FHIT: variants seen among roughly 807,000 people sequenced by gnomAD.
The protein encoded by FHIT is fragile histidine triad diadenosine triphosphatase, also known as bis(5'-adenosyl)-triphosphatase.
A neutral mutation model predicts 17.9 loss-of-function variants in FHIT; 19 were observed. The ratio of observed to expected loss-of-function variants is 1.06; its 90% CI spans 0.74 to 1.56. The LOEUF (loss-of-function observed/expected upper bound fraction) is 1.56. FHIT is among the 40% of genes most tolerant of loss of function. The pLI, the probability that FHIT is intolerant of heterozygous loss-of-function variation, is 0.00. For synonymous variants in FHIT, 81 were observed against 69.7 expected, an observed-to-expected ratio of 1.16 and a Z score of -0.81; for missense variants, 248 against 189.2, an observed-to-expected ratio of 1.31 and a Z score of -1.82.
At chr3:61,147,135 A>G (rs1006371328) in intron 2 of FHIT, among the ~76,000 whole-genome samples, 8 of 152,034 alleles carry the variant, frequency 5.3e-5, no homozygotes, top group Non-Finnish European at 1.2e-4. Flanking sequence ...CAGTGCAGAA[A>G]TGAGTATTGT....
At chr3:59,773,650 T>TCTTCCTGCA (rs150049575) in intron 8 of FHIT, among the ~76,000 whole-genome samples, 4,266 of 152,216 alleles carry the variant, frequency 0.028, 220 homozygotes, top group East Asian at 0.25. Flanking sequence ...TCCTGTGCCA[T>TCTTCCTGCA]CTTCCTGCAC....
chr3:60,313,289 GA>G (rs1709027637), intron 5 of FHIT, among the ~76,000 whole-genome samples: 1 of 152,192 alleles, frequency 6.6e-6, no homozygotes. Context: ...ATCACAAGAG[GA>G]AACTAATATG....
intron 5 of FHIT, among the ~76,000 whole-genome samples, chr3:60,357,508 G>T (rs1699724231): frequency 6.6e-6 from 1 of 152,052 alleles, no homozygotes; most frequent in Non-Finnish European, 1.5e-5. Context: ...GCCTCCCAAA[G>T]TGCTGGAATT....
At chr3:61,128,771 G>T (rs374676979) in intron 2 of FHIT, among the ~76,000 whole-genome samples, 61 of 151,612 alleles carry the variant, frequency 4.0e-4, no homozygotes, top group African/African-American at 1.5e-3. Flanking sequence ...AAAAAACAAG[G>T]TTGTTTTTTT....
At chr3:59,913,641 T>C (rs1014561304) in intron 8 of FHIT, among the ~76,000 whole-genome samples, 8 of 152,126 alleles carry the variant, frequency 5.3e-5, no homozygotes, top group African/African-American at 1.9e-4. Flanking sequence ...ACAATAATAA[T>C]TGTATTATAT....
chr3:61,162,053 C>T (rs532302486), intron 2 of FHIT, among the ~76,000 whole-genome samples: 3 of 152,168 alleles, frequency 2.0e-5, no homozygotes, highest in Non-Finnish European at 4.4e-5. Context: ...TACCTGTCAA[C>T]GCTGGTTTAA....
intron 4 of FHIT, among the ~76,000 whole-genome samples, chr3:60,651,017 T>C (rs1371544243): frequency 6.6e-6 from 1 of 152,170 alleles, no homozygotes; most frequent in African/African-American, 2.4e-5. Context: ...TTACCTAAAT[T>C]ATACCTAAGC....
At chr3:60,557,049 T>C (rs1401148305) in intron 4 of FHIT, among the ~76,000 whole-genome samples, 1 of 152,228 alleles carries the variant, frequency 6.6e-6, no homozygotes, top group Non-Finnish European at 1.5e-5. Flanking sequence ...TTGTTAACCA[T>C]ACTAATAAGA....
intron 8 of FHIT, among the ~76,000 whole-genome samples, chr3:59,845,461 G>A (rs1290618061): frequency 6.6e-6 from 1 of 151,946 alleles, no homozygotes; most frequent in East Asian, 1.9e-4. Context: ...CATATGTTTG[G>A]ATATGTTGTG....
intron 5 of FHIT, among the ~76,000 whole-genome samples, chr3:60,481,605 C>G (rs560124173): frequency 9.1e-4 from 139 of 152,232 alleles, no homozygotes; most frequent in African/African-American, 3.3e-3. Context: ...AAATAAAATC[C>G]TTTCCAGACA....
At chr3:61,181,647 G>C (rs761269582) in intron 2 of FHIT, among the ~76,000 whole-genome samples, 2 of 152,008 alleles carry the variant, frequency 1.3e-5, no homozygotes, top group Non-Finnish European at 2.9e-5. Flanking sequence ...CAGACCCAAA[G>C]ACCAAAAAAA....
At chr3:59,968,027 C>A (rs1251149107) in intron 7 of FHIT, among the ~76,000 whole-genome samples, 1 of 152,054 alleles carries the variant, frequency 6.6e-6, no homozygotes, top group Non-Finnish European at 1.5e-5. Context: ...AGGGCTCAAG[C>A]AAGAGTAATA....
At chr3:61,114,713 A>AT (rs931656974) in intron 2 of FHIT, among the ~76,000 whole-genome samples, 4 of 151,632 alleles carry the variant, frequency 2.6e-5, no homozygotes, top group Non-Finnish European at 4.4e-5. Context: ...TAGTGAGTGA[A>AT]TTTTTTTTTA....
chr3:60,882,398 T>C (rs1023491224), intron 3 of FHIT, among the ~76,000 whole-genome samples: 41 of 151,896 alleles, frequency 2.7e-4, no homozygotes, highest in Non-Finnish European at 2.7e-4. Flanking sequence ...ATTACCCTGA[T>C]ACCAAGCCAG....
rs572866673 is a variant in FHIT, at chr3:61,121,755, T to A, written c.-164+78862A>T. Among the ~76,000 whole-genome samples, 42 of 152,240 alleles carry A rather than the reference T, an allele frequency of 2.8e-4. 2 individuals are homozygous for A. The highest frequency in any genetic ancestry group is 1.0e-3 in the African/African-American group (42 of 41,530). ...CACACACAACAATATTAAACTTAACTGTAAACAGGCTAAATGCCACAATTA... is the reference window on the plus strand; with the variant it reads ...CACACACAACAATATTAAACTTAACAGTAAACAGGCTAAATGCCACAATTA... On this transcript the variant is annotated intron_variant, in intron 2 of 9. Coordinates refer to ENST00000492590, the MANE Select transcript of FHIT (RefSeq NM_002012.4).
intron 5 of FHIT, among the ~76,000 whole-genome samples, chr3:60,186,574 G>A (rs1227118445): frequency 6.6e-6 from 1 of 152,134 alleles, no homozygotes; most frequent in African/African-American, 2.4e-5. Context: ...AACCAAGAAT[G>A]TTACACAGTC....
intron 4 of FHIT, among the ~76,000 whole-genome samples, chr3:60,786,123 G>A (rs914332732): frequency 1.3e-5 from 2 of 152,142 alleles, no homozygotes; most frequent in Admixed American, 1.3e-4. Context: ...TTTAGAAATT[G>A]ATAGTAAAAA....
intron 5 of FHIT, among the ~76,000 whole-genome samples, chr3:60,292,143 A>C (rs1262024386): frequency 6.6e-6 from 1 of 152,130 alleles, no homozygotes; most frequent in Admixed American, 6.6e-5. Flanking sequence ...TATTGAGCTC[A>C]AGGTAGGGCC....
rs967308247 is a variant in FHIT, at chr3:59,829,669, G to C, written c.349-77348C>G. ...CAGATAAGTGAGCATACTCTGACCA[G>C]TTCTGGCCAAGGGACTCTGAATGAA... On this transcript the variant is annotated intron_variant, in intron 8 of 9. Coordinates refer to ENST00000492590, the MANE Select transcript of FHIT (RefSeq NM_002012.4). Among the ~76,000 whole-genome samples, 13 of 152,268 alleles carry C rather than the reference G, an allele frequency of 8.5e-5. No individual in the cohort carries two copies. The East Asian group carries it at 1.9e-3, about 23-fold the overall frequency.
Sources: gnomAD v4.1 joint callset for allele counts (sites outside exome capture counted in the v4.1 genomes callset) on GRCh38, gnomAD v4.1.1 for gene constraint, MANE v1.5 for transcripts, NCBI Gene and HGNC (gene_info 2026-07-23, HGNC 2026-07-21) for gene names.